Variants in STAU1 observed in about 807,000 individuals in gnomAD.
STAU1 encodes the protein staufen double-stranded RNA binding protein 1.
In STAU1, 13 loss-of-function variants were observed where a neutral mutation model predicts 62.9. The observed-to-expected ratio is 0.21, with a 90% CI of 0.13 to 0.33. The LOEUF (loss-of-function observed/expected upper bound fraction) is 0.33, where lower values mean the gene tolerates loss of function less well. Ranked by LOEUF, STAU1 falls within the 10% of genes least tolerant of loss-of-function variation. STAU1 has a pLI of 1.00. For synonymous variants in STAU1, 269 were observed against 265.1 expected (o/e 1.01, Z -0.14); for missense variants, 571 against 712.1 (o/e 0.80, Z 2.25).
chr20:49,129,482 T>C (rs2092706522), intron 6 of STAU1, among the ~76,000 whole-genome samples: 1 of 151,762 alleles, frequency 6.6e-6, no homozygotes, highest in Non-Finnish European at 1.5e-5. Flanking sequence ...GAGAAGGGGT[T>C]ACGCTATGTT....
chr20:49,115,093 AG>A (rs775269087), intron 13 of STAU1, among the ~76,000 whole-genome samples, 200 bp from the exon 14 acceptor site: 18 of 152,248 alleles, frequency 1.2e-4, no homozygotes, highest in Middle Eastern at 3.4e-3. Flanking sequence ...GTGGGGGGAA[AG>A]GAAGAAAATG....
At chr20:49,172,216 C>T (rs985968954) in intron 2 of STAU1, among the ~76,000 whole-genome samples, 1 of 152,196 alleles carries the variant, frequency 6.6e-6, no homozygotes, top group Non-Finnish European at 1.5e-5. Context: ...AAGAGATTTT[C>T]ATTATTTTCA....
At chr20:49,125,215 A>AAAAAAC (rs2092576041) in intron 6 of STAU1, among the ~76,000 whole-genome samples, 4 of 146,724 alleles carry the variant, frequency 2.7e-5, no homozygotes, top group Non-Finnish European at 6.0e-5. Context: ...AAAAAAAAAA[A>AAAAAAC]AAAAAAAAAC....
chr20:49,208,363 A>G, the STAU1 span, among the ~76,000 whole-genome samples: 3 of 151,458 alleles, frequency 2.0e-5, no homozygotes, highest in African/African-American at 7.3e-5. Flanking sequence ...TGGCCTATAT[A>G]TATATTTTTT....
At chr20:49,211,821 T>C in the STAU1 span, among the ~76,000 whole-genome samples, 2 of 152,334 alleles carry the variant, frequency 1.3e-5, no homozygotes, top group Non-Finnish European at 2.9e-5. Context: ...CTCAGCCTCC[T>C]GAGTAGCTGG....
chr20:49,151,713 A>G lies in STAU1; in HGVS notation c.379T>C (p.Tyr127His), dbSNP rs2093253552. The change falls in exon 5 of 14, where the codon TAT (tyrosine) becomes CAT (histidine). Residue 127 changes from tyrosine (Y) to histidine (H), a missense_variant. Physicochemically the swap from Tyr to His is moderately conservative, Grantham distance 83. Transcript: ENST00000371856. ...CCTCCCACAGAAAGTTCCACTTGAT[A>G]AAGTAAAGGTGGAACTGGAAATGGG... ...FYPFPVPPLL[Y>H]QVELSVGGQQ... 5.6e-6 allele frequency: 9 copies of G among 1,611,180 alleles called. No homozygotes were observed. In the East Asian group the frequency reaches 2.0e-4, roughly 36 times the overall value.
chr20:49,178,310 C>T lies in STAU1; in HGVS notation c.-159-4041G>A, dbSNP rs543770032. Among the ~76,000 whole-genome samples, 35 of 152,126 alleles carry T rather than the reference C, an allele frequency of 2.3e-4. 1 individual carries two copies. The South Asian group carries it at 4.8e-3, about 21-fold the overall frequency. On this transcript the variant is annotated intron_variant, in intron 1 of 13. Coordinates refer to ENST00000371856, the MANE Select transcript of STAU1 (RefSeq NM_017453.4). ...AGTGCACACTTACCACTGCAATTTT[C>T]CCCAGTCAAGAATGCATACTAAACC...
the STAU1 span, among the ~76,000 whole-genome samples, chr20:49,217,340 C>G: frequency 3.3e-5 from 5 of 152,072 alleles, no homozygotes; most frequent in Admixed American, 6.6e-5. Flanking sequence ...AAAGTACAAA[C>G]ATGGTTCCTG....
chr20:49,166,538 T>A lies in STAU1; in HGVS notation c.-84-253A>T, dbSNP rs563837884. Among the ~76,000 whole-genome samples, 3 of 152,298 alleles carry A rather than the reference T, an allele frequency of 2.0e-5. No homozygotes were observed. In the East Asian group the frequency reaches 5.8e-4, roughly 29 times the overall value. ...CTGCATATTCATTATACAAAGAGAA[T>A]CAGTAGGGTATAATATTTATTGGTG... On this transcript the variant is annotated intron_variant, in intron 2 of 13. Transcript: ENST00000371856.
chr20:49,139,817 G>A (rs2092967845), intron 5 of STAU1, among the ~76,000 whole-genome samples: 1 of 152,024 alleles, frequency 6.6e-6, no homozygotes, highest in Non-Finnish European at 1.5e-5. Context: ...TTTGGATATG[G>A]AGAAATGAGA....
the STAU1 span, among the ~76,000 whole-genome samples, chr20:49,200,056 CCTG>C: frequency 1.3e-5 from 2 of 152,162 alleles, no homozygotes; most frequent in Non-Finnish European, 2.9e-5. Flanking sequence ...GGTACAGCCA[CCTG>C]GTATGACAGT....
chr20:49,219,286 T>C, the STAU1 span: 1 of 1,466,912 alleles, frequency 6.8e-7, no homozygotes, highest in African/African-American at 1.4e-5. Flanking sequence ...CCACGCCCCA[T>C]ATTGCCGCAT....
chr20:49,142,842 C>A (rs766740803), intron 5 of STAU1, among the ~76,000 whole-genome samples: 37 of 152,132 alleles, frequency 2.4e-4, no homozygotes, highest in Non-Finnish European at 4.7e-4. Context: ...CAGCTCTGTG[C>A]CCTCAGCTGC....
chr20:49,139,637 A>T (rs1011573793), intron 5 of STAU1, among the ~76,000 whole-genome samples: 1 of 151,674 alleles, frequency 6.6e-6, no homozygotes, highest in Non-Finnish European at 1.5e-5. Context: ...GAGGCAGGAG[A>T]ATCACTTGAA....
chr20:49,212,387 C>T, the STAU1 span, among the ~76,000 whole-genome samples: 1 of 152,088 alleles, frequency 6.6e-6, no homozygotes, highest in Non-Finnish European at 1.5e-5. Context: ...ACAAATTTTG[C>T]ATAATTCAAG....
At chr20:49,181,715 G>T (rs1391191227) in intron 1 of STAU1, among the ~76,000 whole-genome samples, 1 of 130,188 alleles carries the variant, frequency 7.7e-6, no homozygotes, top group Non-Finnish European at 1.5e-5. Flanking sequence ...GCAGTGAGCC[G>T]AGATGATACC....
the STAU1 span, among the ~76,000 whole-genome samples, chr20:49,216,936 G>T: frequency 6.6e-6 from 1 of 152,144 alleles, no homozygotes; most frequent in Non-Finnish European, 1.5e-5. Flanking sequence ...GGATGTGAAG[G>T]CAGCCAGGAT....
intron 2 of STAU1, among the ~76,000 whole-genome samples, chr20:49,170,937 C>T (rs1338122798): frequency 1.3e-5 from 2 of 152,322 alleles, no homozygotes; most frequent in East Asian, 3.9e-4. Context: ...AGGAGCACTC[C>T]TGTGCCTCGC....
chr20:49,161,187 C>T (rs1041906190), intron 3 of STAU1, among the ~76,000 whole-genome samples: 11 of 151,496 alleles, frequency 7.3e-5, no homozygotes, highest in African/African-American at 2.2e-4. Flanking sequence ...ACTAGCTGGG[C>T]GTGGTGGCAT....
Sources: allele counts gnomAD v4.1 joint callset (sites outside exome capture counted in the v4.1 genomes callset), GRCh38; gene constraint gnomAD v4.1.1; transcripts MANE v1.5; gene names NCBI Gene and HGNC (gene_info 2026-07-23, HGNC 2026-07-21).